PDCD11: variants seen among roughly 807,000 people sequenced by gnomAD.
PDCD11 encodes the protein protein RRP5 homolog.
PDCD11 carries 97 observed loss-of-function variants against 198.9 expected under a neutral mutation model. The observed-to-expected ratio is 0.49, with a 90% CI of 0.41 to 0.58. The LOEUF (loss-of-function observed/expected upper bound fraction) is 0.58, where lower values mean the gene tolerates loss of function less well. Ranked by LOEUF, PDCD11 falls within the 20% of genes least tolerant of loss-of-function variation. PDCD11 has a pLI of 0.00. For synonymous variants in PDCD11, 893 were observed against 918.0 expected (o/e 0.97, Z 0.49); for missense variants, 2,102 against 2,312.7 (o/e 0.91, Z 1.87).
At position 103,398,422 on chromosome 10, in the gene PDCD11, C is replaced by A; in HGVS notation, c.-5C>A. The A allele has an allele frequency of 6.2e-7, 1 of 1,606,288 alleles. No homozygotes were observed. The highest frequency in any genetic ancestry group is 8.5e-7 in the Non-Finnish European group (1 of 1,172,878). The stretch of plus-strand genomic sequence containing the variant: ...TCCTTTGCATTGTTTTTAGGAGACC[C>A]AAACATGGCAAACCTGGAAGAAAGC... On this transcript the variant is annotated 5_prime_UTR_variant, in exon 2 of 36. Transcript: ENST00000369797.
intron 32 of PDCD11, 69 bp downstream of exon 32, chr10:103,442,529 G>A (rs912062711): frequency 6.4e-7 from 1 of 1,553,070 alleles, no homozygotes; most frequent in South Asian, 1.2e-5. Flanking sequence ...TCAACCTGTG[G>A]GGTAGCTCCT....
rs571844355 is a variant in PDCD11, at chr10:103,419,812, G to A, written c.2277+104G>A. The A allele has an allele frequency of 1.2e-5, 12 of 1,033,070 alleles. No homozygotes were observed. The East Asian group carries it at 1.8e-4, about 16-fold the overall frequency. 64.0% of individuals were successfully genotyped at this position (1,033,070 alleles called of 1,614,324 possible). ...GATACTTTATTCCTTTTTTTTTTGAGACAGTCTTGTTCTGTCGCCCAGGCT... is the reference window on the plus strand; with the variant it reads ...GATACTTTATTCCTTTTTTTTTTGAAACAGTCTTGTTCTGTCGCCCAGGCT... On this transcript the variant is annotated intron_variant, in intron 16 of 35. Transcript: ENST00000369797.
At chr10:103,444,092 G>C in intron 34 of PDCD11, 24 bp downstream of exon 34, 1 of 1,600,882 alleles carries the variant, frequency 6.2e-7, no homozygotes, top group Admixed American at 1.7e-5. Flanking sequence ...CCCAGCTCCT[G>C]AGCCCATGAG....
intron 17 of PDCD11, among the ~76,000 whole-genome samples, chr10:103,422,628 C>T (rs971250873): frequency 2.6e-5 from 4 of 151,966 alleles, no homozygotes; most frequent in African/African-American, 9.7e-5. Context: ...GGTTATTATT[C>T]TGACCCTCTT....
Position 103,445,772 on chromosome 10 carries a change from C to A in PDCD11, c.*223C>A. 2.0e-6 allele frequency: 1 copy of A among 491,044 alleles called. No individual in the cohort carries two copies. The highest frequency in any genetic ancestry group is 3.7e-6 in the Non-Finnish European group (1 of 272,482). 30.4% of individuals were successfully genotyped at this position (491,044 alleles called of 1,614,324 possible). ...ACCAACTTGTTATCTTTTTCCTTAT[C>A]TGAGGCTACCTGGGGATTGTGGGCA... On this transcript the variant is annotated 3_prime_UTR_variant, in exon 36 of 36. Transcript: ENST00000369797.
intron 28 of PDCD11, among the ~76,000 whole-genome samples, 170 bp downstream of exon 28, chr10:103,440,038 C>G (rs957010130): frequency 2.0e-5 from 3 of 152,218 alleles, no homozygotes; most frequent in African/African-American, 7.2e-5. Flanking sequence ...CCTGTGAAAA[C>G]AGGTGGTAAC....
At chr10:103,433,788 G>C (rs1032987877) in intron 22 of PDCD11, among the ~76,000 whole-genome samples, 160 bp from the exon 23 acceptor site, 7 of 152,212 alleles carry the variant, frequency 4.6e-5, no homozygotes, top group Non-Finnish European at 8.8e-5. Flanking sequence ...AAGCTGGTGA[G>C]AAGTGGAGGT....
Position 103,442,203 on chromosome 10 carries a change from T to C in PDCD11, c.4708-10T>C. On this transcript the variant is annotated splice_polypyrimidine_tract_variant and intron_variant, in intron 31 of 35. Transcript: ENST00000369797. Reference sequence around the variant, plus strand: ...CAGATGACTCACGGTGTTTCTGCTTTCCATAGCAGATAAAGAAAAGCAAGA... The same window carrying C: ...CAGATGACTCACGGTGTTTCTGCTTCCCATAGCAGATAAAGAAAAGCAAGA... The C allele has an allele frequency of 6.2e-7, 1 of 1,613,632 alleles. No homozygotes were observed.
chr10:103,439,771 G>A lies in PDCD11; in HGVS notation c.4051G>A (p.Ala1351Thr), dbSNP rs768046333. ...FRLGPSVVGL[A>T]RYSHVSQHSP... ...CCTTGGCCCCTCCGTTGTGGGTTTG[G>A]CTCGGTACTCCCATGTCTCCCAGCA... The change falls in exon 28 of 36, where the codon GCT (alanine) becomes ACT (threonine). Residue 1351 changes from alanine (A) to threonine (T), a missense_variant. Ala to Thr is a moderately conservative substitution (Grantham distance 58, BLOSUM62 0). Transcript: ENST00000369797. The A allele has an allele frequency of 6.2e-7, 1 of 1,614,058 alleles. No homozygotes were observed. The highest frequency in any genetic ancestry group is 1.7e-5 in the Admixed American group (1 of 60,004).
intron 18 of PDCD11, among the ~76,000 whole-genome samples, 158 bp from the exon 19 acceptor site, chr10:103,423,385 G>A (rs2031546538): frequency 6.6e-6 from 1 of 152,122 alleles, no homozygotes; most frequent in Non-Finnish European, 1.5e-5. Context: ...AACTATGGGA[G>A]GTAGACCCTT....
intron 2 of PDCD11, among the ~76,000 whole-genome samples, chr10:103,399,077 G>A (rs1353699243): frequency 6.7e-6 from 1 of 150,170 alleles, no homozygotes; most frequent in Non-Finnish European, 1.5e-5. Context: ...TTTGCCATGT[G>A]CCATGTTGAT....
intron 2 of PDCD11, 36 bp from the exon 3 acceptor site, chr10:103,400,361 T>C (rs189937407): frequency 2.0e-4 from 324 of 1,591,368 alleles, no homozygotes; most frequent in Non-Finnish European, 2.6e-4. Flanking sequence ...TTCTTATTCT[T>C]TTGGGTCTTT....
intron 7 of PDCD11, among the ~76,000 whole-genome samples, chr10:103,407,385 A>C (rs2030522717): frequency 6.6e-6 from 1 of 152,026 alleles, no homozygotes; most frequent in South Asian, 2.1e-4. Context: ...AACACGGTGA[A>C]ACCCCGTCTC....
Position 103,443,986 on chromosome 10 carries a change from C to T in PDCD11, c.5196C>T (p.Gly1732=), listed in dbSNP as rs2032496343. 1.7e-5 allele frequency: 27 copies of T among 1,613,858 alleles called. No individual in the cohort carries two copies. The highest frequency in any genetic ancestry group is 2.2e-5 in the Non-Finnish European group (26 of 1,179,970). ...RQEKAVWIKY[G]AFLLRRSQAA... ...AGAAAGCTGTGTGGATCAAATACGG[C>T]GCCTTCCTTCTGCGGAGGAGCCAGG... The change falls in exon 34 of 36, where the codon GGC becomes GGT. Residue 1732 remains glycine (G), a synonymous_variant. Transcript: ENST00000369797.
At position 103,415,042 on chromosome 10, in the gene PDCD11, T is replaced by C; in HGVS notation, c.1409T>C (p.Val470Ala). The change falls in exon 12 of 36, where the codon GTG (valine) becomes GCG (alanine). Residue 470 changes from valine to alanine, a missense_variant. Transcript: ENST00000369797. ...VLTIKSYGML[V>A]KVGEQMRGLV... is the part of the protein sequence containing the mutation. ...ACCATAAAGTCATATGGGATGCTGG[T>C]GAAGGTGGGCGAGCAGATGAGGGGC... 1 of 1,614,078 alleles carries C rather than the reference T, an allele frequency of 6.2e-7. No individual in the cohort carries two copies. Among genetic ancestry groups the C allele is most frequent in the Non-Finnish European group, 8.5e-7 (1 of 1,180,010 alleles).
At chr10:103,430,726 G>A (rs2031897124) in intron 21 of PDCD11, among the ~76,000 whole-genome samples, 1 of 149,942 alleles carries the variant, frequency 6.7e-6, no homozygotes, top group African/African-American at 2.5e-5. Context: ...AATTGGTGAT[G>A]TTGAGCATCT....
chr10:103,437,318 T>G (rs1412251611), intron 25 of PDCD11, among the ~76,000 whole-genome samples: 2 of 151,886 alleles, frequency 1.3e-5, no homozygotes, highest in African/African-American at 2.4e-5. Flanking sequence ...TTTAAAAAAG[T>G]TTTTTTATAG....
Position 103,440,568 on chromosome 10 carries a change from C to T in PDCD11, c.4427C>T (p.Ser1476Phe), listed in dbSNP as rs1390479690. Residue 1476 changes from serine to phenylalanine, a missense_variant, in exon 29 of 36, where the codon TCT becomes TTT. Coordinates refer to ENST00000369797, the MANE Select transcript of PDCD11 (RefSeq NM_014976.2). The part of the protein sequence containing the change: ...QKRGGRECRE[S>F]GSEQERVSKK... ...CGGGGCGGGCGGGAGTGCCGGGAGT[C>T]TGGGAGTGAGCAGGTGAGGTCCTGC... The T allele has an allele frequency of 6.8e-6, 11 of 1,611,110 alleles. No homozygotes were observed. The highest frequency in any genetic ancestry group is 8.5e-6 in the Non-Finnish European group (10 of 1,179,576).
At chr10:103,438,990 A>G (rs1325441901) in intron 27 of PDCD11, among the ~76,000 whole-genome samples, 182 bp downstream of exon 27, 1 of 152,196 alleles carries the variant, frequency 6.6e-6, no homozygotes, top group Non-Finnish European at 1.5e-5. Context: ...CTGTTGAGTT[A>G]TTAGTTATTT....
Sources: gnomAD v4.1 joint callset for allele counts (sites outside exome capture counted in the v4.1 genomes callset) on GRCh38, gnomAD v4.1.1 for gene constraint, MANE v1.5 for transcripts, NCBI Gene and HGNC (gene_info 2026-07-23, HGNC 2026-07-21) for gene names.